SCAMP4: variants seen among roughly 807,000 people sequenced by gnomAD.
SCAMP4 encodes secretory carrier-associated membrane protein 4.
SCAMP4 carries 19 observed loss-of-function variants against 32.1 expected under a neutral mutation model. That is an observed-to-expected ratio of 0.59 (90% confidence interval 0.41 to 0.87). The LOEUF is 0.87. SCAMP4 is among the 40% of genes least tolerant of loss of function. The pLI is 0.00. For synonymous variants in SCAMP4, 152 were observed against 132.7 expected (o/e 1.15, Z -1.00); for missense variants, 302 against 309.0 (o/e 0.98, Z 0.17).
At chr19:1,911,179 AT>A (rs910257449) in intron 1 of SCAMP4, among the ~76,000 whole-genome samples, 2 of 145,750 alleles carry the variant, frequency 1.4e-5, no homozygotes, top group African/African-American at 5.0e-5. Flanking sequence ...CCGGGTTTTC[AT>A]TTTTTTTTTG....
chr19:1,921,482 C>T (rs1388630192), intron 5 of SCAMP4: 3 of 985,300 alleles, frequency 3.0e-6, no homozygotes, highest in African/African-American at 3.5e-5. Context: ...AGGAATCGGA[C>T]ATCAGCGGGC....
chr19:1,918,024 T>A (rs10415845), intron 3 of SCAMP4, 103 bp from the exon 4 acceptor site: 1 of 1,450,634 alleles, frequency 6.9e-7, no homozygotes, highest in South Asian at 1.3e-5. Context: ...ATGGGGTCAC[T>A]GGGCTGGGGA....
rs922184549 is a variant in SCAMP4 at position 1,912,154 on chromosome 19, A to C, written c.-41-2825A>C. ...AAGTGCTTGGAGGCCGGGAGCCCGG[A>C]GCCTGAGCCGGCGCCGTGGCAGGCC... On this transcript the variant is annotated intron_variant, in intron 1 of 6. Transcript: ENST00000316097. 6.4e-6 allele frequency: 10 copies of C among 1,568,636 alleles called. No homozygotes were observed. In the African/African-American group the frequency reaches 1.1e-4, roughly 17 times the overall value.
chr19:1,911,897 C>A, intron 1 of SCAMP4: 1 of 972,888 alleles, frequency 1.0e-6, no homozygotes, highest in Non-Finnish European at 1.4e-6. Flanking sequence ...CAGGGGTTAG[C>A]AGGACATGAG....
chr19:1,912,788 C>A, intron 1 of SCAMP4: 1 of 1,570,150 alleles, frequency 6.4e-7, no homozygotes, highest in Admixed American at 1.8e-5. Flanking sequence ...GCGTGGACCT[C>A]GTGGCGCGCG....
chr19:1,914,648 G>A, intron 1 of SCAMP4: 2 of 411,276 alleles, frequency 4.9e-6, no homozygotes, highest in Non-Finnish European at 9.1e-6. Context: ...TCACCTTGTG[G>A]CGCCCACCCC....
Position 1,925,242 on chromosome 19 carries a change from T to C in SCAMP4, c.*958T>C, listed in dbSNP as rs975182526. The C allele has an allele frequency of 2.6e-5, 4 of 152,162 alleles. No individual in the cohort carries two copies. Among genetic ancestry groups the C allele is most frequent in the Non-Finnish European group, 5.9e-5 (4 of 68,110 alleles). 9.4% of individuals were successfully genotyped at this position (152,162 alleles called of 1,614,324 possible). On this transcript the variant is annotated 3_prime_UTR_variant, in exon 7 of 7. Transcript: ENST00000316097. ...CCTCCCAAATAGCTGGGATTACAGTTGCCTGCCACCACGCCCAGCTAATTT... is the reference window on the plus strand; with the variant it reads ...CCTCCCAAATAGCTGGGATTACAGTCGCCTGCCACCACGCCCAGCTAATTT...
intron 5 of SCAMP4, chr19:1,921,458 C>T (rs975752800): frequency 5.0e-5 from 49 of 985,264 alleles, no homozygotes; most frequent in East Asian, 1.1e-4. Flanking sequence ...CAGGGGCCCC[C>T]GGTGGGCCCC....
At chr19:1,922,925 T>G in intron 5 of SCAMP4, 145 bp from the exon 6 acceptor site, 1 of 1,355,554 alleles carries the variant, frequency 7.4e-7, no homozygotes, top group Non-Finnish European at 9.5e-7. Context: ...GCTTTATGTT[T>G]GTTGGCCACT....
chr19:1,905,829 C>T (rs2013083536), intron 1 of SCAMP4: 2 of 152,420 alleles, frequency 1.3e-5, no homozygotes, highest in Admixed American at 1.3e-4. Flanking sequence ...GTTTCCGTAG[C>T]CTTCGCGTCC....
chr19:1,912,985 C>T (rs1162918603), intron 1 of SCAMP4: 1 of 1,609,476 alleles, frequency 6.2e-7, no homozygotes, highest in Non-Finnish European at 8.5e-7. Flanking sequence ...TGCGCCATGG[C>T]CCTGGTGCAC....
chr19:1,918,754 T>TC, intron 4 of SCAMP4, 135 bp from the exon 5 acceptor site: 1 of 1,286,558 alleles, frequency 7.8e-7, no homozygotes, highest in Non-Finnish European at 1.0e-6. Flanking sequence ...AGAGTGAGAC[T>TC]CCATCTCAAA....
At chr19:1,912,800 C>T (rs755907284) in intron 1 of SCAMP4, 1 of 1,576,580 alleles carries the variant, frequency 6.3e-7, no homozygotes, top group Non-Finnish European at 8.5e-7. Flanking sequence ...TGGCGCGCGG[C>T]CAGGGCCGCG....
chr19:1,905,559 G>C (rs1404003999), intron 1 of SCAMP4, 120 bp downstream of exon 1: 1 of 297,802 alleles, frequency 3.4e-6, no homozygotes, highest in Non-Finnish European at 7.4e-6. Context: ...GGGAGAAAAC[G>C]GGGGGCCCAG....
Position 1,924,513 on chromosome 19 carries a change from C to T in SCAMP4, c.*229C>T. 2 of 566,476 alleles carry T rather than the reference C, an allele frequency of 3.5e-6. No homozygotes were observed. The highest frequency in any genetic ancestry group is 6.4e-6 in the Non-Finnish European group (2 of 313,682). The allele number at this position is 566,476 out of a possible 1,614,324, so 35.1% of individuals were successfully genotyped here. A position where few individuals can be genotyped will look rare whatever the true frequency, so the allele number is the denominator to read the frequency against. On this transcript the variant is annotated 3_prime_UTR_variant, in exon 7 of 7. Transcript: ENST00000316097. ...ACTCCCCAGCAGCCCTTGGCCTCTG[C>T]CGTCCACAGGACGCCCTCTTGCTCC...
chr19:1,907,583 C>T (rs979767956), intron 1 of SCAMP4, among the ~76,000 whole-genome samples: 8 of 152,086 alleles, frequency 5.3e-5, no homozygotes, highest in African/African-American at 1.9e-4. Flanking sequence ...CGGACCTTGG[C>T]CTCCTCATCT....
intron 5 of SCAMP4, chr19:1,921,047 G>A (rs1568773962): frequency 6.1e-6 from 6 of 985,410 alleles, no homozygotes; most frequent in Non-Finnish European, 6.0e-6. Flanking sequence ...CGGGTCTTAG[G>A]AGAGCCCGGC....
Position 1,924,457 on chromosome 19 carries a change from A to G in SCAMP4, c.*173A>G. ...TGCCAGGGCCACAGAACCCGTGTTCATCTCATCCGAGAGCGGAGTTCCTCA... is the reference window on the plus strand; with the variant it reads ...TGCCAGGGCCACAGAACCCGTGTTCGTCTCATCCGAGAGCGGAGTTCCTCA... On this transcript the variant is annotated 3_prime_UTR_variant, in exon 7 of 7. Transcript: ENST00000316097. 1.6e-6 allele frequency: 1 copy of G among 615,518 alleles called. No homozygotes were observed. The highest frequency in any genetic ancestry group is 2.9e-6 in the Non-Finnish European group (1 of 347,474). The allele number at this position is 615,518 out of a possible 1,614,324, so 38.1% of individuals were successfully genotyped here. A position where few individuals can be genotyped will look rare whatever the true frequency, so the allele number is the denominator to read the frequency against.
intron 5 of SCAMP4, chr19:1,920,770 C>T (rs749929090): frequency 1.1e-4 from 111 of 985,478 alleles, no homozygotes; most frequent in Middle Eastern, 5.2e-4. Flanking sequence ...GCCGCCTCCC[C>T]GGTGCGTCCC....
Sources: allele counts gnomAD v4.1 joint callset (sites outside exome capture counted in the v4.1 genomes callset), GRCh38; gene constraint gnomAD v4.1.1; transcripts MANE v1.5; gene names NCBI Gene and HGNC (gene_info 2026-07-23, HGNC 2026-07-21).